Variants in PTPRD observed in about 807,000 individuals in gnomAD.
PTPRD encodes the protein protein tyrosine phosphatase receptor type D.
PTPRD carries 34 observed loss-of-function variants against 214.5 expected under a neutral mutation model. That is an observed-to-expected ratio of 0.16 (90% confidence interval 0.12 to 0.21). The LOEUF (loss-of-function observed/expected upper bound fraction) is 0.21. PTPRD is among the 10% of genes least tolerant of loss of function. The pLI is 1.00. For missense variants in PTPRD, 2,545 were observed against 2,398.7 expected, an observed-to-expected ratio of 1.06 and a Z score of -1.27; for synonymous variants, 1,128 against 845.7, an observed-to-expected ratio of 1.33 and a Z score of -5.79.
intron 9 of PTPRD, among the ~76,000 whole-genome samples, chr9:9,265,352 C>G (rs1272344080): frequency 6.6e-6 from 1 of 151,564 alleles, no homozygotes; most frequent in Non-Finnish European, 1.5e-5. Context: ...GCCTTGAACT[C>G]CTGGGCTGAA....
intron 33 of PTPRD, among the ~76,000 whole-genome samples, chr9:8,453,225 G>A (rs942232092): frequency 1.3e-5 from 2 of 152,142 alleles, no homozygotes; most frequent in African/African-American, 4.8e-5. Context: ...GTGCAGTGGT[G>A]CGATCTCGGC....
chr9:10,407,487 G>A (rs1452835023), intron 2 of PTPRD, among the ~76,000 whole-genome samples: 1 of 151,486 alleles, frequency 6.6e-6, no homozygotes, highest in Non-Finnish European at 1.5e-5. Flanking sequence ...ATAGTTGGTT[G>A]GCTAGCACCA....
intron 11 of PTPRD, among the ~76,000 whole-genome samples, chr9:8,922,742 G>C (rs555906369): frequency 1.3e-4 from 20 of 152,102 alleles, no homozygotes; most frequent in Non-Finnish European, 2.6e-4. Context: ...CGCCTCCCGG[G>C]TTCAAGCAAT....
chr9:9,436,249 A>AC (rs952799522), intron 8 of PTPRD, among the ~76,000 whole-genome samples: 5 of 151,476 alleles, frequency 3.3e-5, no homozygotes, highest in African/African-American at 1.2e-4. Context: ...CTAAGCTGTG[A>AC]CCCCCTATTT....
chr9:8,521,405 G>A lies in PTPRD; in HGVS notation c.833C>T (p.Pro278Leu), dbSNP rs2138880411. ...KWMLGAEDLT[P>L]EDDMPIGRNV... ...TCTTCCTATTGGCATATCATCTTCA[G>A]GTGTCAGATCTTCTGCCCCCAACAT... The change falls in exon 20 of 46, where the codon CCT becomes CTT. Residue 278 changes from proline to leucine, a missense_variant. By Grantham distance (98) the Pro-to-Leu change is moderately conservative (BLOSUM62 -3). Transcript: ENST00000381196. 4 of 1,613,962 alleles carry A rather than the reference G, an allele frequency of 2.5e-6. No individual in the cohort carries two copies. The highest frequency in any genetic ancestry group is 4.5e-5 in the East Asian group (2 of 44,850).
chr9:9,797,294 T>C (rs1191095821), intron 5 of PTPRD, among the ~76,000 whole-genome samples: 1 of 150,372 alleles, frequency 6.7e-6, no homozygotes, highest in East Asian at 1.9e-4. Context: ...TTTGGGTTTT[T>C]TTGCATGTAT....
At chr9:9,791,670 T>C (rs2098968270) in intron 5 of PTPRD, among the ~76,000 whole-genome samples, 1 of 152,164 alleles carries the variant, frequency 6.6e-6, no homozygotes, top group Admixed American at 6.5e-5. Context: ...TGTTTCTTTG[T>C]AATTTTGTTT....
intron 9 of PTPRD, among the ~76,000 whole-genome samples, chr9:9,300,003 G>C (rs905635008): frequency 5.8e-5 from 8 of 137,688 alleles, no homozygotes; most frequent in African/African-American, 1.9e-4. Flanking sequence ...TTGTAAAAAA[G>C]TTTGTTACTG....
intron 10 of PTPRD, among the ~76,000 whole-genome samples, chr9:9,170,586 G>T (rs765760753): frequency 9.9e-5 from 15 of 152,250 alleles, no homozygotes; most frequent in Admixed American, 9.2e-4. Flanking sequence ...CGCTGGCCCA[G>T]GCAGTTTGGC....
intron 7 of PTPRD, among the ~76,000 whole-genome samples, chr9:9,673,826 G>T (rs1004839483): frequency 2.0e-5 from 3 of 151,370 alleles, no homozygotes. Flanking sequence ...AAAAATGAGT[G>T]GGCTGACAGC....
intron 2 of PTPRD, among the ~76,000 whole-genome samples, chr9:10,515,727 T>C (rs199784821): frequency 6.6e-6 from 1 of 152,074 alleles, no homozygotes; most frequent in East Asian, 1.9e-4. Flanking sequence ...ATACACCTGC[T>C]GAATAGTAAC....
chr9:9,387,682 C>G (rs2064326510), intron 9 of PTPRD, among the ~76,000 whole-genome samples: 1 of 152,026 alleles, frequency 6.6e-6, no homozygotes, highest in Non-Finnish European at 1.5e-5. Flanking sequence ...TATTATTTGT[C>G]ACATTGAAAC....
At chr9:10,254,449 T>C (rs4741024) in intron 3 of PTPRD, among the ~76,000 whole-genome samples, 87,546 of 151,830 alleles carry the variant, frequency 0.58, 27,293 homozygotes, top group East Asian at 0.73. Flanking sequence ...CAAGACTTTA[T>C]CTATTTTTTC....
In PTPRD at chr9:8,355,725, G is replaced by C. The variant is rs555063400; in HGVS notation, c.4662-13747C>G. On this transcript the variant is annotated intron_variant, in intron 39 of 45. Coordinates refer to ENST00000381196, the MANE Select transcript of PTPRD (RefSeq NM_002839.4). ...CATATATACATTATATGTTCAAGTA[G>C]TCTGAACATGCTGCTAGGGACTGTG... Among the ~76,000 whole-genome samples, 3 of 152,266 alleles carry C rather than the reference G, an allele frequency of 2.0e-5. No individual in the cohort carries two copies. In the South Asian group the frequency reaches 6.2e-4, roughly 32 times the overall value.
intron 31 of PTPRD, among the ~76,000 whole-genome samples, chr9:8,467,045 T>G (rs2096558800): frequency 6.6e-6 from 1 of 151,944 alleles, no homozygotes; most frequent in Non-Finnish European, 1.5e-5. Flanking sequence ...TTCAAAATTG[T>G]ATCCTAAAAA....
At chr9:9,866,456 C>T (rs906644825) in intron 5 of PTPRD, among the ~76,000 whole-genome samples, 2 of 151,884 alleles carry the variant, frequency 1.3e-5, no homozygotes, top group African/African-American at 4.8e-5. Flanking sequence ...GTCTCTTAAG[C>T]AAAGGTTCTA....
intron 3 of PTPRD, among the ~76,000 whole-genome samples, chr9:10,224,577 A>G (rs1382245089): frequency 6.6e-6 from 1 of 152,074 alleles, no homozygotes; most frequent in Non-Finnish European, 1.5e-5. Flanking sequence ...TCCTTTTGTG[A>G]TATTTTAAAA....
chr9:8,567,444 G>A (rs1214715712), intron 14 of PTPRD, among the ~76,000 whole-genome samples: 2 of 152,132 alleles, frequency 1.3e-5, no homozygotes, highest in Non-Finnish European at 2.9e-5. Context: ...AGTACCATGG[G>A]CACATGTCCT....
At position 10,103,395 on chromosome 9, in the gene PTPRD, T is replaced by TATATATATATATATATATATATATATGTA. The variant is rs34926923; in HGVS notation, c.-544-69606_-544-69605insTACATATATATATATATATATATATATAT. 9.4e-5 allele frequency among the ~76,000 whole-genome samples: 11 copies of TATATATATATATATATATATATATATGTA among 116,724 alleles called. 1 individual carries two copies. Among genetic ancestry groups the TATATATATATATATATATATATATATGTA allele is most frequent in the Non-Finnish European group, 1.6e-4 (9 of 56,342 alleles). 76.6% of individuals were successfully genotyped at this position (116,724 alleles called of 152,430 possible). ...CTGCATATTATATATATATATATATTTATTTAAGAGCATTGCAGTAAGAAA... is the reference window on the plus strand; with the variant it reads ...CTGCATATTATATATATATATATATTATATATATATATATATATATATATATGTATATTTAAGAGCATTGCAGTAAGAAA... On this transcript the variant is annotated intron_variant, in intron 3 of 45. Transcript: ENST00000381196.
Sources: gnomAD v4.1 joint callset for allele counts (sites outside exome capture counted in the v4.1 genomes callset) on GRCh38, gnomAD v4.1.1 for gene constraint, MANE v1.5 for transcripts, NCBI Gene and HGNC (gene_info 2026-07-23, HGNC 2026-07-21) for gene names.